The following DCAF1 variants were observed in gnomAD, a reference collection of about 807,000 sequenced individuals.
The protein encoded by DCAF1 is DDB1 and CUL4 associated factor 1.
Under a neutral mutation model 128.0 loss-of-function variants are expected in DCAF1, and 15 were observed. The observed-to-expected ratio is 0.12, with a 90% CI of 0.08 to 0.18. The LOEUF is 0.18. Among genes scored for constraint, DCAF1 ranks in the 10% least tolerant of loss-of-function variants. DCAF1 has a pLI of 1.00. For synonymous variants in DCAF1, 610 were observed against 603.0 expected, an observed-to-expected ratio of 1.01 and a Z score of -0.17; for missense variants, 988 against 1,649.5, an observed-to-expected ratio of 0.60 and a Z score of 6.95.
intron 2 of DCAF1, among the ~76,000 whole-genome samples, chr3:51,488,534 T>G (rs1216822559): frequency 1.3e-5 from 2 of 151,464 alleles, no homozygotes; most frequent in African/African-American, 4.9e-5. Flanking sequence ...AAATTAGGCC[T>G]GGCACGGTGG....
chr3:51,452,596 T>C (rs1328111835), intron 6 of DCAF1, among the ~76,000 whole-genome samples: 1 of 152,210 alleles, frequency 6.6e-6, no homozygotes, highest in East Asian at 1.9e-4. Flanking sequence ...TTCCCTTAAA[T>C]AGTGTTTCTA....
intron 6 of DCAF1, among the ~76,000 whole-genome samples, chr3:51,452,543 A>C (rs1030088223): frequency 2.6e-5 from 4 of 152,168 alleles, no homozygotes; most frequent in African/African-American, 7.2e-5. Flanking sequence ...ATTAATTAGG[A>C]AACGATAAAA....
At chr3:51,435,300 G>A (rs1700708517) in intron 9 of DCAF1, among the ~76,000 whole-genome samples, 1 of 152,040 alleles carries the variant, frequency 6.6e-6, no homozygotes, top group Non-Finnish European at 1.5e-5. Context: ...CAATATCCTT[G>A]GGCCACTGGA....
At chr3:51,415,577 C>T (rs1698804443) in intron 18 of DCAF1, among the ~76,000 whole-genome samples, 1 of 152,138 alleles carries the variant, frequency 6.6e-6, no homozygotes, top group Non-Finnish European at 1.5e-5. Context: ...CTCTCTTGAA[C>T]TCCCAATTTT....
In DCAF1 at chr3:51,461,155, C is replaced by T. The variant is rs1221101152; in HGVS notation, c.375+1959G>A. Among the ~76,000 whole-genome samples the T allele has an allele frequency of 4.0e-5, 6 of 151,758 alleles. No individual in the cohort carries two copies. In the South Asian group the frequency reaches 6.2e-4, roughly 16 times the overall value. On this transcript the variant is annotated intron_variant, in intron 6 of 24. Transcript: ENST00000684031. Reference sequence around the variant, plus strand: ...CAGAATGGGAGAAAATTTTTGCAACCTACTCATCTGACAAAGGGCTAATAT... The same window carrying T: ...CAGAATGGGAGAAAATTTTTGCAACTTACTCATCTGACAAAGGGCTAATAT...
intron 18 of DCAF1, 66 bp from the exon 19 acceptor site, chr3:51,414,923 A>G: frequency 6.5e-7 from 1 of 1,541,774 alleles, no homozygotes; most frequent in Non-Finnish European, 8.8e-7. Context: ...ATTAAAGAGA[A>G]AATGTGCAAA....
At position 51,414,866 on chromosome 3, in the gene DCAF1, A is replaced by G; in HGVS notation, c.3604-9T>C. ...GTCTGAATATCATAAATCTTTAGAG[A>G]AGAAGGGATGGGAAGAGAAAAATCA... is the stretch of plus-strand genomic sequence containing the variant. On this transcript the variant is annotated splice_polypyrimidine_tract_variant and intron_variant, in intron 18 of 24. Transcript: ENST00000684031. The G allele has an allele frequency of 1.2e-6, 2 of 1,609,918 alleles. No homozygotes were observed. The highest frequency in any genetic ancestry group is 2.2e-5 in the South Asian group (2 of 90,864).
downstream of DCAF1, chr3:51,396,039 G>A: frequency 2.4e-6 from 1 of 412,088 alleles, no homozygotes; most frequent in Non-Finnish European, 4.4e-6. Context: ...CAGGCACACT[G>A]CAGTGGTTTT....
chr3:51,505,021 G>A, the DCAF1 span, among the ~76,000 whole-genome samples: 1 of 152,116 alleles, frequency 6.6e-6, no homozygotes, highest in Non-Finnish European at 1.5e-5. Flanking sequence ...CAGCACTTTA[G>A]GGGGGCAAGG....
intron 6 of DCAF1, among the ~76,000 whole-genome samples, chr3:51,457,595 C>G (rs1703065073): frequency 6.6e-6 from 1 of 152,054 alleles, no homozygotes; most frequent in Admixed American, 6.6e-5. Flanking sequence ...AAGAGCAACT[C>G]CAAGACACAT....
intron 6 of DCAF1, among the ~76,000 whole-genome samples, chr3:51,458,078 G>A (rs1703121522): frequency 6.6e-6 from 1 of 152,196 alleles, no homozygotes; most frequent in African/African-American, 2.4e-5. Flanking sequence ...AACTTTAAAT[G>A]TAAATGGGCT....
At chr3:51,459,621 C>T (rs1189738156) in intron 6 of DCAF1, among the ~76,000 whole-genome samples, 2 of 152,150 alleles carry the variant, frequency 1.3e-5, no homozygotes, top group Admixed American at 6.6e-5. Context: ...GAATTTTAGA[C>T]CAATATCCTT....
chr3:51,483,651 A>C (rs1403011194), intron 3 of DCAF1, 68 bp downstream of exon 3: 11 of 880,042 alleles, frequency 1.2e-5, no homozygotes, highest in Non-Finnish European at 2.0e-5. Context: ...GTGTGTATGA[A>C]GAAATCTAGC....
At chr3:51,505,516 G>C in the DCAF1 span, among the ~76,000 whole-genome samples, 1 of 152,146 alleles carries the variant, frequency 6.6e-6, no homozygotes, top group Non-Finnish European at 1.5e-5. Context: ...GGGTGTCATG[G>C]GCTCTTACCG....
intron 2 of DCAF1, among the ~76,000 whole-genome samples, chr3:51,496,113 G>A (rs1449385270): frequency 2.0e-5 from 3 of 151,884 alleles, no homozygotes; most frequent in Non-Finnish European, 2.9e-5. Context: ...CTAATATGGA[G>A]AAACCCTGTC....
At chr3:51,486,528 G>A (rs1027592633) in intron 2 of DCAF1, among the ~76,000 whole-genome samples, 2 of 151,912 alleles carry the variant, frequency 1.3e-5, no homozygotes, top group Non-Finnish European at 2.9e-5. Context: ...GCCACAAAAA[G>A]GAAATGCTGT....
Position 51,418,804 on chromosome 3 carries a change from T to G in DCAF1, c.3309A>C (p.Ala1103=). The G allele has an allele frequency of 6.2e-7, 1 of 1,613,998 alleles. No individual in the cohort carries two copies. The highest frequency in any genetic ancestry group is 8.5e-7 in the Non-Finnish European group (1 of 1,179,892). ...TGCCAAGCATCAGGAACCGCTCCCG[T>G]GCTGAGAATGCACAGCAGGTGAAGC... ...ESGFTCCAFS[A]RERFLMLGTC... Residue 1103 remains alanine, a synonymous_variant, in exon 16 of 25, where the codon GCA becomes GCC. Coordinates refer to ENST00000684031, the MANE Select transcript of DCAF1 (RefSeq NM_001387579.1).
chr3:51,461,745 AG>A (rs1703602588), intron 6 of DCAF1, among the ~76,000 whole-genome samples: 1 of 152,200 alleles, frequency 6.6e-6, no homozygotes, highest in Admixed American at 6.6e-5. Flanking sequence ...AAAAATGATG[AG>A]TTCATGTCCT....
At chr3:51,405,297 C>A (rs1577050349) in intron 23 of DCAF1, among the ~76,000 whole-genome samples, 1 of 152,160 alleles carries the variant, frequency 6.6e-6, no homozygotes, top group East Asian at 1.9e-4. Flanking sequence ...AACATTGAGG[C>A]TTAGCTGATC....
Sources: gnomAD v4.1 joint callset for allele counts (sites outside exome capture counted in the v4.1 genomes callset) on GRCh38, gnomAD v4.1.1 for gene constraint, MANE v1.5 for transcripts, NCBI Gene and HGNC (gene_info 2026-07-23, HGNC 2026-07-21) for gene names.